KLF12: variants seen among roughly 807,000 people sequenced by gnomAD.
KLF12 encodes the protein Krueppel-like factor 12.
In KLF12, 9 loss-of-function variants were observed where a neutral mutation model predicts 37.8. The observed-to-expected ratio is 0.24, with a 90% confidence interval of 0.14 to 0.42. KLF12 has a LOEUF of 0.42. Among genes scored for constraint, KLF12 ranks in the 10% least tolerant of loss-of-function variants. The pLI is 1.00. For synonymous variants in KLF12, 208 were observed against 202.1 expected, an observed-to-expected ratio of 1.03 and a Z score of -0.25; for missense variants, 411 against 516.0, an observed-to-expected ratio of 0.80 and a Z score of 1.97.
chr13:74,298,263 A>T, the KLF12 span, among the ~76,000 whole-genome samples: 1 of 152,320 alleles, frequency 6.6e-6, no homozygotes, highest in East Asian at 1.9e-4. Context: ...CCTGAAAGAC[A>T]TTGGGTAAGT....
rs149119224 is a variant in KLF12 at position 73,952,379 on chromosome 13, G to A, written c.34-8309C>T. ...CATGGCTGGAGCAGAGGAAGAGAGC[G>A]AAGGGGGAGTTGCTACACACTTTCA... On this transcript the variant is annotated intron_variant, in intron 2 of 7. Coordinates refer to ENST00000377669, the MANE Select transcript of KLF12 (RefSeq NM_007249.5). Among the ~76,000 whole-genome samples, 1,128 of 152,248 alleles carry A rather than the reference G, an allele frequency of 7.4e-3. 7 individuals are homozygous for A. Among genetic ancestry groups the A allele is most frequent in the Non-Finnish European group, 0.011 (775 of 68,018 alleles).
intron 2 of KLF12, among the ~76,000 whole-genome samples, chr13:73,987,413 T>A (rs749849267): frequency 1.3e-5 from 2 of 152,054 alleles, no homozygotes; most frequent in Non-Finnish European, 2.9e-5. Flanking sequence ...GTAAAAAAAT[T>A]TTAACTAAAA....
intron 3 of KLF12, among the ~76,000 whole-genome samples, chr13:73,887,367 G>A (rs1418964828): frequency 6.6e-6 from 1 of 152,150 alleles, no homozygotes; most frequent in African/African-American, 2.4e-5. Context: ...TGGATCATGG[G>A]GACAGATCCC....
the KLF12 span, among the ~76,000 whole-genome samples, chr13:74,179,281 C>T: frequency 6.6e-6 from 1 of 152,134 alleles, no homozygotes; most frequent in African/African-American, 2.4e-5. Context: ...GAGAGATATG[C>T]CTATTAGCAG....
chr13:73,771,792 T>C (rs371864921), intron 5 of KLF12, among the ~76,000 whole-genome samples: 1 of 152,342 alleles, frequency 6.6e-6, no homozygotes, highest in African/African-American at 2.4e-5. Flanking sequence ...AGGGTTAGAA[T>C]GAATTCAAAC....
chr13:73,796,445 C>T (rs1484621641), intron 5 of KLF12, among the ~76,000 whole-genome samples: 6 of 151,038 alleles, frequency 4.0e-5, no homozygotes, highest in Non-Finnish European at 8.9e-5. Context: ...AACCCATTTT[C>T]GTGGTGCTTC....
intron 1 of KLF12, among the ~76,000 whole-genome samples, chr13:74,060,988 A>G (rs972838768): frequency 1.3e-5 from 2 of 152,200 alleles, no homozygotes; most frequent in Non-Finnish European, 2.9e-5. Flanking sequence ...TCATGGGCTA[A>G]GTCTAGACCT....
intron 2 of KLF12, among the ~76,000 whole-genome samples, chr13:73,970,059 A>G (rs1891285542): frequency 6.6e-6 from 1 of 152,174 alleles, no homozygotes; most frequent in African/African-American, 2.4e-5. Flanking sequence ...GCAGAGTTAT[A>G]GGTCCTTAAT....
Position 73,752,726 on chromosome 13 carries a change from A to T in KLF12, c.869+12212T>A, listed in dbSNP as rs61957267. ...CTCATTCCCCTGCTCCCTTCCACATATATATTTTTTTTTTTTTGACACAGA... is the reference window on the plus strand; with the variant it reads ...CTCATTCCCCTGCTCCCTTCCACATTTATATTTTTTTTTTTTTGACACAGA... On this transcript the variant is annotated intron_variant, in intron 6 of 7. Coordinates refer to ENST00000377669, the MANE Select transcript of KLF12 (RefSeq NM_007249.5). 6.5e-5 allele frequency among the ~76,000 whole-genome samples: 7 copies of T among 108,128 alleles called. No homozygotes were observed. In the East Asian group the frequency reaches 8.7e-4, roughly 13 times the overall value. 70.9% of individuals were successfully genotyped at this position (108,128 alleles called of 152,430 possible).
intron 5 of KLF12, among the ~76,000 whole-genome samples, chr13:73,782,517 C>T (rs1881029086): frequency 6.6e-6 from 1 of 152,142 alleles, no homozygotes; most frequent in African/African-American, 2.4e-5. Flanking sequence ...GGGAGTTTAT[C>T]ATGAAGAAAT....
the KLF12 span, among the ~76,000 whole-genome samples, chr13:74,192,500 T>A: frequency 6.6e-6 from 1 of 152,346 alleles, no homozygotes; most frequent in African/African-American, 2.4e-5. Context: ...AGAGGCTCTG[T>A]AATATGATTT....
intron 5 of KLF12, among the ~76,000 whole-genome samples, chr13:73,810,115 G>A (rs554129351): frequency 6.6e-6 from 1 of 152,142 alleles, no homozygotes; most frequent in South Asian, 2.1e-4. Flanking sequence ...CATGGTGGCA[G>A]GCACCTTTAA....
At chr13:73,740,002 A>C (rs1042919730) in intron 6 of KLF12, among the ~76,000 whole-genome samples, 4 of 146,558 alleles carry the variant, frequency 2.7e-5, no homozygotes, top group African/African-American at 9.9e-5. Flanking sequence ...GGACCACTGT[A>C]GACAGTTGTG....
intron 1 of KLF12, among the ~76,000 whole-genome samples, chr13:74,021,364 G>A (rs1232894894): frequency 6.6e-6 from 1 of 152,098 alleles, no homozygotes; most frequent in East Asian, 1.9e-4. Context: ...GGCAGTAAGG[G>A]TCCTGGAAGT....
intron 4 of KLF12, among the ~76,000 whole-genome samples, chr13:73,820,550 T>A (rs1354671471): frequency 6.6e-6 from 1 of 152,252 alleles, no homozygotes; most frequent in Non-Finnish European, 1.5e-5. Flanking sequence ...TCTTGTTTCC[T>A]TTACTTTTGC....
intron 3 of KLF12, among the ~76,000 whole-genome samples, chr13:73,849,220 G>A (rs1885185825): frequency 6.6e-6 from 1 of 151,782 alleles, no homozygotes; most frequent in Admixed American, 6.6e-5. Context: ...TTTAGGAAAT[G>A]GAAAATCAAA....
At chr13:73,836,404 C>T (rs1301620723) in intron 4 of KLF12, among the ~76,000 whole-genome samples, 2 of 152,076 alleles carry the variant, frequency 1.3e-5, no homozygotes, top group Admixed American at 1.3e-4. Context: ...TATTAAAAAG[C>T]CAATTTAAAA....
At chr13:74,258,743 AT>A in the KLF12 span, 1 of 152,160 alleles carries the variant, frequency 6.6e-6, no homozygotes, top group African/African-American at 2.4e-5. Context: ...CTTTATCGCT[AT>A]CTCCAAAGAC....
the KLF12 span, among the ~76,000 whole-genome samples, chr13:74,254,585 A>G: frequency 1.4e-4 from 22 of 152,230 alleles, no homozygotes; most frequent in Non-Finnish European, 5.9e-5. Context: ...CTCAAAGCCC[A>G]TGATCACAAC....
Sources: allele counts gnomAD v4.1 joint callset (sites outside exome capture counted in the v4.1 genomes callset), GRCh38; gene constraint gnomAD v4.1.1; transcripts MANE v1.5; gene names NCBI Gene and HGNC (gene_info 2026-07-23, HGNC 2026-07-21).